The following STX17 variants were observed in gnomAD, a reference collection of about 807,000 sequenced individuals.
The protein encoded by STX17 is syntaxin-17.
Under a neutral mutation model 35.9 loss-of-function variants are expected in STX17, and 29 were observed. The ratio of observed to expected loss-of-function variants is 0.81; its 90% CI spans 0.60 to 1.10. The LOEUF is 1.10. Ranked by LOEUF, STX17 falls within the 50% of genes least tolerant of loss-of-function variation. The probability of loss-of-function intolerance (pLI) is 0.00; values close to 1 mark genes in which losing one functional copy is unlikely to be tolerated. For synonymous variants in STX17, 92 were observed against 118.3 expected, an observed-to-expected ratio of 0.78 and a Z score of 1.44; for missense variants, 312 against 352.3, an observed-to-expected ratio of 0.89 and a Z score of 0.92.
At chr9:99,916,225 C>G in intron 2 of STX17, 1 of 354,180 alleles carries the variant, frequency 2.8e-6, no homozygotes, top group East Asian at 7.6e-5. Flanking sequence ...TAGAACCTAC[C>G]ATGCTCCGGT....
intron 3 of STX17, among the ~76,000 whole-genome samples, chr9:99,937,746 A>G (rs1829265760): frequency 6.6e-6 from 1 of 152,048 alleles, no homozygotes; most frequent in Non-Finnish European, 1.5e-5. Flanking sequence ...TTTCTTCATT[A>G]TGGGTGATGT....
intron 3 of STX17, among the ~76,000 whole-genome samples, chr9:99,929,550 C>G (rs1464656577): frequency 6.6e-6 from 1 of 151,732 alleles, no homozygotes. Flanking sequence ...TGAAATTTAC[C>G]TATATTACTA....
chr9:99,924,770 C>A, intron 2 of STX17, among the ~76,000 whole-genome samples: 1 of 151,100 alleles, frequency 6.6e-6, no homozygotes, highest in South Asian at 2.1e-4. Flanking sequence ...ATCCTTCCTT[C>A]CTTTTTTAAC....
At chr9:99,924,197 T>C (rs1411573176) in intron 2 of STX17, among the ~76,000 whole-genome samples, 3 of 152,192 alleles carry the variant, frequency 2.0e-5, no homozygotes, top group Non-Finnish European at 4.4e-5. Flanking sequence ...AATGAGTGTC[T>C]TATGACCCAC....
intron 3 of STX17, among the ~76,000 whole-genome samples, chr9:99,941,519 A>T (rs866318241): frequency 6.6e-5 from 10 of 152,216 alleles, no homozygotes; most frequent in Admixed American, 1.3e-4. Flanking sequence ...ATAAATATAC[A>T]CCTAAATAAA....
chr9:99,920,133 T>C (rs1413808492), intron 2 of STX17, among the ~76,000 whole-genome samples: 1 of 152,222 alleles, frequency 6.6e-6, no homozygotes, highest in Admixed American at 6.5e-5. Context: ...TGGTGAATGA[T>C]AATGGTCTGA....
chr9:99,955,006 T>A (rs763037994), intron 4 of STX17, among the ~76,000 whole-genome samples: 1 of 152,066 alleles, frequency 6.6e-6, no homozygotes, highest in East Asian at 1.9e-4. Flanking sequence ...TCTGTCTCAC[T>A]TGTGTGTCTG....
chr9:99,921,404 G>A (rs1828883687), intron 2 of STX17, among the ~76,000 whole-genome samples: 2 of 151,966 alleles, frequency 1.3e-5, no homozygotes, highest in Admixed American at 1.3e-4. Context: ...TAATTTAAAT[G>A]CTGGACTTTA....
intron 3 of STX17, among the ~76,000 whole-genome samples, chr9:99,934,287 T>C (rs563681588): frequency 2.0e-5 from 3 of 152,260 alleles, no homozygotes; most frequent in South Asian, 2.1e-4. Context: ...CTAGTGTTTT[T>C]AGTTTAATCT....
chr9:99,944,516 ATTT>A (rs35679073), intron 3 of STX17, among the ~76,000 whole-genome samples: 2 of 142,466 alleles, frequency 1.4e-5, no homozygotes. Flanking sequence ...AGGTCAAAGC[ATTT>A]TTTTTTTTTT....
intron 1 of STX17, among the ~76,000 whole-genome samples, chr9:99,908,883 A>G (rs1341539399): frequency 7.9e-5 from 12 of 152,184 alleles, no homozygotes; most frequent in Non-Finnish European, 1.5e-5. Context: ...TTATTTCTGT[A>G]TTTGTCTATC....
intron 3 of STX17, among the ~76,000 whole-genome samples, chr9:99,937,282 T>G (rs997501883): frequency 6.6e-6 from 1 of 152,180 alleles, no homozygotes; most frequent in African/African-American, 2.4e-5. Context: ...TTCTTGGACC[T>G]CTGGACTTAT....
chr9:99,915,156 T>C, intron 1 of STX17, 22 bp from the exon 2 acceptor site: 3 of 1,405,388 alleles, frequency 2.1e-6, no homozygotes, highest in Non-Finnish European at 1.9e-6. Flanking sequence ...AAAACATTCT[T>C]AAAGAAATAT....
chr9:99,918,989 C>T (rs1249453636), intron 2 of STX17, among the ~76,000 whole-genome samples: 1 of 152,112 alleles, frequency 6.6e-6, no homozygotes, highest in African/African-American at 2.4e-5. Flanking sequence ...CACCACCATT[C>T]AGATATTTAT....
intron 3 of STX17, among the ~76,000 whole-genome samples, chr9:99,937,471 A>T (rs1448249264): frequency 6.6e-6 from 1 of 151,966 alleles, no homozygotes. Context: ...TTTATTTTGG[A>T]TAGTGTCTAT....
At chr9:99,921,534 A>C (rs1213439005) in intron 2 of STX17, among the ~76,000 whole-genome samples, 1 of 151,380 alleles carries the variant, frequency 6.6e-6, no homozygotes, top group African/African-American at 2.4e-5. Flanking sequence ...GAAGTCATTG[A>C]TGAAAATGTT....
intron 2 of STX17, among the ~76,000 whole-genome samples, chr9:99,918,230 A>G (rs1361560079): frequency 7.2e-5 from 11 of 152,306 alleles, no homozygotes; most frequent in African/African-American, 2.6e-4. Flanking sequence ...CCTAAGTTAA[A>G]GCAATCCTCC....
intron 2 of STX17, among the ~76,000 whole-genome samples, chr9:99,918,527 T>C (rs1828826515): frequency 6.6e-6 from 1 of 151,950 alleles, no homozygotes; most frequent in Non-Finnish European, 1.5e-5. Flanking sequence ...GTAAGTTTTC[T>C]TCTGCTTCTT....
intron 1 of STX17, among the ~76,000 whole-genome samples, chr9:99,913,207 G>A (rs1355913710): frequency 1.3e-5 from 2 of 151,964 alleles, no homozygotes; most frequent in African/African-American, 4.8e-5. Flanking sequence ...TGAGGCTGAT[G>A]TGCTTTTTCA....
Sources: allele counts gnomAD v4.1 joint callset (sites outside exome capture counted in the v4.1 genomes callset), GRCh38; gene constraint gnomAD v4.1.1; transcripts MANE v1.5; gene names NCBI Gene and HGNC (gene_info 2026-07-23, HGNC 2026-07-21).